Variants in ZCCHC4 observed in about 807,000 individuals in gnomAD.
The protein encoded by ZCCHC4 is zinc finger CCHC-type containing 4.
Under a neutral mutation model 67.7 loss-of-function variants are expected in ZCCHC4, and 54 were observed. That is an observed-to-expected ratio of 0.80 (90% CI 0.64 to 1.00). ZCCHC4 has a LOEUF of 1.00. Ranked by LOEUF, ZCCHC4 falls within the 50% of genes least tolerant of loss-of-function variation. The pLI, the probability that ZCCHC4 is intolerant of heterozygous loss-of-function variation, is 0.00. For missense variants in ZCCHC4, 609 were observed against 617.0 expected, an observed-to-expected ratio of 0.99 and a Z score of 0.14; for synonymous variants, 198 against 213.5, an observed-to-expected ratio of 0.93 and a Z score of 0.63.
At chr4:25,316,771 G>C (rs73254140) in intron 3 of ZCCHC4, among the ~76,000 whole-genome samples, 12,583 of 152,086 alleles carry the variant, frequency 0.083, 595 homozygotes, top group East Asian at 0.16. Flanking sequence ...GTTGTCTTTT[G>C]ACTTTCTTGA....
chr4:25,364,957 A>C, intron 11 of ZCCHC4, 65 bp from the exon 12 acceptor site: 1 of 1,600,972 alleles, frequency 6.2e-7, no homozygotes. Context: ...TCCTACCTTA[A>C]AAGTTAATAA....
At chr4:25,316,413 G>C (rs182557867) in intron 3 of ZCCHC4, among the ~76,000 whole-genome samples, 1 of 152,222 alleles carries the variant, frequency 6.6e-6, no homozygotes, top group African/African-American at 2.4e-5. Context: ...CATAGTGGCT[G>C]CACCATTTTA....
At chr4:25,361,614 C>G (rs1247520615) in intron 8 of ZCCHC4, 2 of 438,132 alleles carry the variant, frequency 4.6e-6, no homozygotes, top group Non-Finnish European at 8.2e-6. Context: ...TGCGCCCAGT[C>G]TCGCTCATGC....
At position 25,333,467 on chromosome 4, in the gene ZCCHC4, T is replaced by C. The variant is rs1719292502; in HGVS notation, c.605+9T>C. On this transcript the variant is annotated intron_variant, in intron 4 of 12. Coordinates refer to ENST00000302874, the MANE Select transcript of ZCCHC4 (RefSeq NM_024936.3). ...TGTGTTGGAACACCAAGGTATGTCA[T>C]GTGATTTTTTAAAGAATTATCTTCT... is the stretch of plus-strand genomic sequence containing the variant. 6.2e-7 allele frequency: 1 copy of C among 1,612,262 alleles called. No individual in the cohort carries two copies. Among genetic ancestry groups the C allele is most frequent in the African/African-American group, 1.3e-5 (1 of 74,940 alleles).
At chr4:25,333,071 A>G in intron 3 of ZCCHC4, 112 bp from the exon 4 acceptor site, 1 of 1,044,648 alleles carries the variant, frequency 9.6e-7, no homozygotes, top group African/African-American at 1.6e-5. Flanking sequence ...TTCTTTACGC[A>G]GTACTCTTTA....
intron 5 of ZCCHC4, among the ~76,000 whole-genome samples, chr4:25,336,509 C>T (rs1030521295): frequency 6.6e-5 from 10 of 152,076 alleles, no homozygotes; most frequent in Admixed American, 2.0e-4. Flanking sequence ...TTGTTTGAGA[C>T]GGAGTCTGGC....
chr4:25,369,298 G>A lies in ZCCHC4; in HGVS notation c.*134G>A. 7.9e-7 allele frequency: 1 copy of A among 1,265,328 alleles called. No individual in the cohort carries two copies. The highest frequency in any genetic ancestry group is 1.1e-6 in the Non-Finnish European group (1 of 913,626). 78.4% of individuals were successfully genotyped at this position (1,265,328 alleles called of 1,614,324 possible). A position where few individuals can be genotyped will look rare whatever the true frequency, so the allele number is the denominator to read the frequency against. On this transcript the variant is annotated 3_prime_UTR_variant, in exon 13 of 13. Coordinates refer to ENST00000302874, the MANE Select transcript of ZCCHC4 (RefSeq NM_024936.3). The stretch of plus-strand genomic sequence containing the variant: ...TTCTGAGCTAGATAACAGGCAGGTG[G>A]CATTTGCTGGTTTACAGTCCCTTAT...
intron 3 of ZCCHC4, among the ~76,000 whole-genome samples, chr4:25,328,485 C>T (rs1719008560): frequency 6.6e-6 from 1 of 152,000 alleles, no homozygotes; most frequent in Admixed American, 6.5e-5. Context: ...AGTGATCTGC[C>T]CACCTCAGCC....
intron 5 of ZCCHC4, among the ~76,000 whole-genome samples, chr4:25,337,458 A>C (rs2109068949): frequency 6.6e-6 from 1 of 152,288 alleles, no homozygotes; most frequent in African/African-American, 2.4e-5. Context: ...CAGTGGAAAG[A>C]GGCAGTTTTT....
chr4:25,344,332 G>A (rs911515356), intron 5 of ZCCHC4, among the ~76,000 whole-genome samples: 8 of 151,676 alleles, frequency 5.3e-5, no homozygotes, highest in Non-Finnish European at 1.0e-4. Flanking sequence ...GGATGAAATT[G>A]GAAATCATTC....
At chr4:25,322,231 A>G (rs140408906) in intron 3 of ZCCHC4, among the ~76,000 whole-genome samples, 8 of 152,266 alleles carry the variant, frequency 5.3e-5, no homozygotes, top group East Asian at 1.9e-4. Flanking sequence ...ATTCAGTGGC[A>G]TGATCATGGC....
chr4:25,336,086 C>T (rs906990676), intron 5 of ZCCHC4, among the ~76,000 whole-genome samples: 2 of 152,174 alleles, frequency 1.3e-5, no homozygotes, highest in South Asian at 2.1e-4. Context: ...TTGTTATCAC[C>T]GTGTTGTGCA....
chr4:25,342,585 T>C (rs745699656), intron 5 of ZCCHC4, among the ~76,000 whole-genome samples: 2 of 152,220 alleles, frequency 1.3e-5, no homozygotes, highest in Non-Finnish European at 2.9e-5. Context: ...ATTCAGCTCT[T>C]GATTACATTT....
intron 5 of ZCCHC4, among the ~76,000 whole-genome samples, chr4:25,336,497 G>C (rs1175368615): frequency 6.6e-6 from 1 of 151,958 alleles, no homozygotes; most frequent in East Asian, 1.9e-4. Flanking sequence ...ATTTTTATTT[G>C]TTTGTTTGAG....
intron 3 of ZCCHC4, among the ~76,000 whole-genome samples, chr4:25,332,506 A>G (rs1334064641): frequency 1.3e-5 from 2 of 152,122 alleles, no homozygotes; most frequent in Admixed American, 6.5e-5. Context: ...GACCATGATT[A>G]TTTTCTCTCT....
At chr4:25,334,394 A>G (rs1466602181) in intron 5 of ZCCHC4, among the ~76,000 whole-genome samples, 1 of 152,188 alleles carries the variant, frequency 6.6e-6, no homozygotes, top group Non-Finnish European at 1.5e-5. Flanking sequence ...CTTTTAGTAT[A>G]TTTTACTGGA....
intron 3 of ZCCHC4, among the ~76,000 whole-genome samples, chr4:25,321,599 C>T (rs1283897904): frequency 6.6e-6 from 1 of 152,040 alleles, no homozygotes; most frequent in African/African-American, 2.4e-5. Context: ...TCTTGAACTC[C>T]TGACCTCAAG....
rs1193319124 is a variant in ZCCHC4, at chr4:25,369,207, T to G, written c.*43T>G. 2 of 1,599,690 alleles carry G rather than the reference T, an allele frequency of 1.3e-6. No individual in the cohort carries two copies. Among genetic ancestry groups the G allele is most frequent in the South Asian group, 2.3e-5 (2 of 87,540 alleles). On this transcript the variant is annotated 3_prime_UTR_variant, in exon 13 of 13. Transcript: ENST00000302874. The stretch of plus-strand genomic sequence containing the variant: ...AATAAGAAAGATTTATGGTCCAACC[T>G]TTGATGCCATTTTCTGAAAGTGCCA...
chr4:25,364,019 A>G (rs547012366), intron 10 of ZCCHC4, among the ~76,000 whole-genome samples: 1 of 152,360 alleles, frequency 6.6e-6, no homozygotes, highest in Non-Finnish European at 1.5e-5. Context: ...TTTATTTCAT[A>G]GTTTTAAAAT....
Sources: gnomAD v4.1 joint callset for allele counts (sites outside exome capture counted in the v4.1 genomes callset) on GRCh38, gnomAD v4.1.1 for gene constraint, MANE v1.5 for transcripts, NCBI Gene and HGNC (gene_info 2026-07-23, HGNC 2026-07-21) for gene names.